DNAJB11: variants seen among roughly 807,000 people sequenced by gnomAD.
DNAJB11 encodes the protein DnaJ heat shock protein family (Hsp40) member B11.
Under a neutral mutation model 47.2 loss-of-function variants are expected in DNAJB11, and 30 were observed. The ratio of observed to expected loss-of-function variants is 0.64; its 90% CI spans 0.48 to 0.86. The LOEUF (loss-of-function observed/expected upper bound fraction) is 0.86, where lower values mean the gene tolerates loss of function less well. Among genes scored for constraint, DNAJB11 ranks in the 40% least tolerant of loss-of-function variants. DNAJB11 has a pLI of 0.00. For missense variants in DNAJB11, 357 were observed against 440.2 expected, an observed-to-expected ratio of 0.81 and a Z score of 1.69; for synonymous variants, 151 against 159.9, an observed-to-expected ratio of 0.94 and a Z score of 0.42.
chr3:186,573,404 A>T (rs919136202), intron 2 of DNAJB11, among the ~76,000 whole-genome samples: 2 of 151,650 alleles, frequency 1.3e-5, no homozygotes, highest in African/African-American at 2.4e-5. Context: ...TTTTTTTTTG[A>T]GACAGAGTCT....
At chr3:186,584,972 G>A (rs1474705394) in intron 9 of DNAJB11, among the ~76,000 whole-genome samples, 2 of 152,042 alleles carry the variant, frequency 1.3e-5, no homozygotes, top group Non-Finnish European at 2.9e-5. Context: ...CCCCACTGGG[G>A]GTCCTAAATA....
Position 186,570,936 on chromosome 3 carries a change from G to A in DNAJB11, c.39G>A (p.Leu13=), listed in dbSNP as rs755963875. ...PQNLSTFCLL[L]LYLIGAVIAG... is the part of the protein sequence containing the mutation. ...ACCTGAGCACCTTTTGCCTGTTGCT[G>A]CTATACCTCATCGGGGCGGTGATTG... The change falls in exon 1 of 10, where the codon CTG becomes CTA. Residue 13 remains leucine (L), a synonymous_variant. Transcript: ENST00000265028. The A allele has an allele frequency of 2.0e-4, 324 of 1,598,932 alleles. No homozygotes were observed. The highest frequency in any genetic ancestry group is 2.7e-4 in the Non-Finnish European group (313 of 1,172,854).
At chr3:186,572,819 C>T (rs1715131709) in intron 2 of DNAJB11, among the ~76,000 whole-genome samples, 3 of 152,204 alleles carry the variant, frequency 2.0e-5, no homozygotes, top group Admixed American at 1.3e-4. Flanking sequence ...AAGGGAGCAG[C>T]TGTTACTCAA....
In DNAJB11 at chr3:186,582,775, T is replaced by C; in HGVS notation, c.740+2T>C. ...ACGGTTCCGAATCAAAGTTGTCAAG[T>C]AAGTAATCTAATTTTAGAGGTCTTC... On this transcript the variant is annotated splice_donor_variant, in intron 7 of 9. Transcript: ENST00000265028. LOFTEE classifies it high-confidence loss of function. 1 of 1,572,958 alleles carries C rather than the reference T, an allele frequency of 6.4e-7. No individual in the cohort carries two copies. The highest frequency in any genetic ancestry group is 8.6e-7 in the Non-Finnish European group (1 of 1,156,670).
At position 186,571,563 on chromosome 3, in the gene DNAJB11, T is replaced by C. The variant is rs143202337; in HGVS notation, c.69-532T>C. Among the ~76,000 whole-genome samples, 219 of 152,336 alleles carry C rather than the reference T, an allele frequency of 1.4e-3. 1 individual carries two copies. The highest frequency in any genetic ancestry group is 5.1e-3 in the African/African-American group (213 of 41,564). ...AAGATCTTTAGACAGCCCTTGTACT[T>C]CCCAGCTTCTTGAGCTATTTATTAT... On this transcript the variant is annotated intron_variant, in intron 1 of 9. Transcript: ENST00000265028.
chr3:186,584,444 G>A lies in DNAJB11; in HGVS notation c.867G>A (p.Arg289=), dbSNP rs571309721. Residue 289 remains arginine, a synonymous_variant, in exon 9 of 10, where the codon CGG becomes CGA. Coordinates refer to ENST00000265028, the MANE Select transcript of DNAJB11 (RefSeq NM_016306.6). ...TGGTTTTCTAGGTACATATTTCCCGGGATAAGATCACCAGGCCAGGAGCGA... is the reference window on the plus strand; with the variant it reads ...TGGTTTTCTAGGTACATATTTCCCGAGATAAGATCACCAGGCCAGGAGCGA... ...HLDGHKVHIS[R]DKITRPGAKL... 3.3e-5 allele frequency: 51 copies of A among 1,556,338 alleles called. No individual in the cohort carries two copies. Among genetic ancestry groups the A allele is most frequent in the Middle Eastern group, 1.7e-4 (1 of 5,876 alleles).
intron 3 of DNAJB11, among the ~76,000 whole-genome samples, chr3:186,577,368 T>C (rs1043675561): frequency 9.2e-5 from 14 of 152,218 alleles, no homozygotes; most frequent in Non-Finnish European, 2.1e-4. Context: ...ATTGGTTGGG[T>C]CCAACATTGA....
rs1715020237 is a variant in DNAJB11, at chr3:186,570,918, C to G, written c.21C>G (p.Ser7Arg). MAPQNL[S>R]TFCLLLLYLI... ...GAACCATGGCTCCGCAGAACCTGAG[C>G]ACCTTTTGCCTGTTGCTGCTATACC... The change falls in exon 1 of 10, where the codon AGC becomes AGG. Residue 7 changes from serine (S) to arginine (R), a missense_variant. By Grantham distance (110) the Ser-to-Arg change is moderately radical. Transcript: ENST00000265028. 3 of 1,604,440 alleles carry G rather than the reference C, an allele frequency of 1.9e-6. No individual in the cohort carries two copies. In the African/African-American group the frequency reaches 4.0e-5, roughly 22 times the overall value.
rs528126441 is a variant in DNAJB11, at chr3:186,572,346, T to G, written c.225+95T>G. The G allele has an allele frequency of 3.0e-5, 34 of 1,147,418 alleles. No homozygotes were observed. In the African/African-American group the frequency reaches 4.9e-4, roughly 16 times the overall value. 71.1% of individuals were successfully genotyped at this position (1,147,418 alleles called of 1,614,324 possible). On this transcript the variant is annotated intron_variant, in intron 2 of 9. Transcript: ENST00000265028. ...ACACTCCTTTCAGCTCACATTTATT[T>G]ATTTATTTATTTATTTTGAGACTGA...
At chr3:186,571,423 G>A (rs1244246915) in intron 1 of DNAJB11, among the ~76,000 whole-genome samples, 4 of 152,174 alleles carry the variant, frequency 2.6e-5, no homozygotes, top group African/African-American at 7.2e-5. Context: ...GTGGAGAAGC[G>A]GACGATGCTC....
intron 4 of DNAJB11, chr3:186,579,856 T>A (rs567948418): frequency 6.6e-6 from 1 of 152,378 alleles, no homozygotes; most frequent in East Asian, 1.9e-4. Context: ...AGTTACTGTT[T>A]CCTGGAATCC....
chr3:186,570,889 A>G lies in DNAJB11; in HGVS notation c.-9A>G. 1 of 1,604,090 alleles carries G rather than the reference A, an allele frequency of 6.2e-7. No individual in the cohort carries two copies. Among genetic ancestry groups the G allele is most frequent in the Admixed American group, 1.7e-5 (1 of 58,846 alleles). ...GAGTGTGTGGAACAGGACCCGGGAC[A>G]GAGGAACCATGGCTCCGCAGAACCT... On this transcript the variant is annotated 5_prime_UTR_variant, in exon 1 of 10. Transcript: ENST00000265028.
rs1281790737 is a variant in DNAJB11, at chr3:186,575,873, G to T, written c.259G>T (p.Asp87Tyr). 1.9e-6 allele frequency: 3 copies of T among 1,613,942 alleles called. No homozygotes were observed. In the Admixed American group the frequency reaches 5.0e-5, roughly 27 times the overall value. ...LSDSEKRKQY[D>Y]TYGEEGLKDG... ...AGATAGTGAGAAACGGAAACAGTAC[G>T]ATACTTATGGTGAAGAAGGATTAAA... Residue 87 changes from aspartate (D) to tyrosine (Y), a missense_variant, in exon 3 of 10, where the codon GAT (aspartate) becomes TAT (tyrosine). Physicochemically the swap from Asp to Tyr is radical, Grantham distance 160. Coordinates refer to ENST00000265028, the MANE Select transcript of DNAJB11 (RefSeq NM_016306.6).
rs752177486 is a variant in DNAJB11, at chr3:186,583,972, A to G, written c.848A>G (p.His283Arg). ...FEMDITHLDGHKVHISRDKIT... is the reference protein window; with the variant it reads ...FEMDITHLDGRKVHISRDKIT... ...ATGGATATTACTCACTTGGATGGTC[A>G]CAAGGTAAACAAACCAATTTACTCG... Residue 283 changes from histidine (H) to arginine (R), a missense_variant, in exon 8 of 10, where the codon CAC (histidine) becomes CGC (arginine). Coordinates refer to ENST00000265028, the MANE Select transcript of DNAJB11 (RefSeq NM_016306.6). 1 of 1,607,250 alleles carries G rather than the reference A, an allele frequency of 6.2e-7. No homozygotes were observed. The highest frequency in any genetic ancestry group is 8.5e-7 in the Non-Finnish European group (1 of 1,173,906).
chr3:186,576,307 G>A (rs1281658898), intron 3 of DNAJB11, among the ~76,000 whole-genome samples: 2 of 152,158 alleles, frequency 1.3e-5, no homozygotes, highest in Non-Finnish European at 2.9e-5. Context: ...CCCATACCCA[G>A]AGCTGCCTCT....
chr3:186,576,066 A>G, intron 3 of DNAJB11, 129 bp downstream of exon 3: 1 of 623,452 alleles, frequency 1.6e-6, no homozygotes, highest in Non-Finnish European at 2.8e-6. Flanking sequence ...CCAAAGATCA[A>G]TTATTGTCCT....
intron 8 of DNAJB11, among the ~76,000 whole-genome samples, 156 bp downstream of exon 8, chr3:186,584,132 A>G (rs1715585872): frequency 6.6e-6 from 1 of 152,268 alleles, no homozygotes; most frequent in Non-Finnish European, 1.5e-5. Flanking sequence ...GCATACTGCA[A>G]TAACAGTGCC....
Position 186,584,452 on chromosome 3 carries a change from TC to T in DNAJB11, c.876del (p.Thr293ProfsTer26), listed in dbSNP as rs766890695. ...GHKVHISRDKITRPGAKLWKK... is the reference protein window; with the variant it reads ...GHKVHISRDKXTRPGAKLWKK... ...TAGGTACATATTTCCCGGGATAAGA[TC>T]ACCAGGCCAGGAGCGAAGCTATGGA... is the stretch of plus-strand genomic sequence containing the variant. On this transcript the variant is annotated frameshift_variant, in exon 9 of 10. Transcript: ENST00000265028. LOFTEE classifies it high-confidence loss of function. 1 of 1,562,326 alleles carries T rather than the reference TC, an allele frequency of 6.4e-7. No homozygotes were observed. Among genetic ancestry groups the T allele is most frequent in the South Asian group, 1.2e-5 (1 of 82,388 alleles).
chr3:186,579,052 C>G (rs1481713878), intron 4 of DNAJB11: 2 of 152,138 alleles, frequency 1.3e-5, no homozygotes, highest in East Asian at 1.9e-4. Context: ...TGTGAATAGC[C>G]ACTGCACTCT....
Sources: allele counts gnomAD v4.1 joint callset (sites outside exome capture counted in the v4.1 genomes callset), GRCh38; gene constraint gnomAD v4.1.1; transcripts MANE v1.5; gene names NCBI Gene and HGNC (gene_info 2026-07-23, HGNC 2026-07-21).